The following AFAP1 variants were observed in gnomAD, a reference collection of about 807,000 sequenced individuals.
The protein encoded by AFAP1 is actin filament-associated protein 1.
Under a neutral mutation model 93.9 loss-of-function variants are expected in AFAP1, and 75 were observed. That is an observed-to-expected ratio of 0.80 (90% CI 0.66 to 0.97). The LOEUF is 0.97. Ranked by LOEUF, AFAP1 falls within the 50% of genes least tolerant of loss-of-function variation. AFAP1 has a pLI of 0.00. For missense variants in AFAP1, 1,201 were observed against 1,050.8 expected, an observed-to-expected ratio of 1.14 and a Z score of -1.98; for synonymous variants, 517 against 430.7, an observed-to-expected ratio of 1.20 and a Z score of -2.48.
At chr4:7,797,942 A>C (rs889082883) in intron 10 of AFAP1, among the ~76,000 whole-genome samples, 1 of 152,202 alleles carries the variant, frequency 6.6e-6, no homozygotes, top group Non-Finnish European at 1.5e-5. Flanking sequence ...AAGCATGCGG[A>C]ATGTTGGTCT....
chr4:7,893,512 C>T lies in AFAP1; in HGVS notation c.-2-21432G>A, dbSNP rs1309793377. Among the ~76,000 whole-genome samples the T allele has an allele frequency of 2.1e-5, 3 of 139,976 alleles. No homozygotes were observed. In the Admixed American group the frequency reaches 2.3e-4, roughly 11 times the overall value. 91.8% of individuals were successfully genotyped at this position (139,976 alleles called of 152,430 possible). A position where few individuals can be genotyped will look rare whatever the true frequency, so the allele number is the denominator to read the frequency against. ...AGGAGAATGGCGTGAACCTGGGAGG[C>T]GGACCTTGCAGTGAGCCGAGATCAC... On this transcript the variant is annotated intron_variant, in intron 1 of 17. Coordinates refer to ENST00000420658, the MANE Select transcript of AFAP1 (RefSeq NM_001134647.2).
intron 5 of AFAP1, among the ~76,000 whole-genome samples, chr4:7,840,567 C>T (rs1367736554): frequency 6.6e-6 from 1 of 152,208 alleles, no homozygotes; most frequent in Non-Finnish European, 1.5e-5. Flanking sequence ...CCGCCTCAGC[C>T]TCCCAAAGTG....
At chr4:7,849,019 G>C (rs1714128345) in intron 4 of AFAP1, among the ~76,000 whole-genome samples, 1 of 152,194 alleles carries the variant, frequency 6.6e-6, no homozygotes, top group African/African-American at 2.4e-5. Flanking sequence ...TTTCCAAGGG[G>C]CCATGCCTTC....
chr4:7,801,097 T>C (rs1474455608), intron 9 of AFAP1, among the ~76,000 whole-genome samples: 1 of 144,448 alleles, frequency 6.9e-6, no homozygotes, highest in East Asian at 1.9e-4. Context: ...GGCAGGCAGA[T>C]TTTGGCTTAA....
chr4:7,763,874 A>T, intron 17 of AFAP1, 83 bp from the exon 18 acceptor site: 1 of 1,418,024 alleles, frequency 7.1e-7, no homozygotes, highest in Non-Finnish European at 9.8e-7. Flanking sequence ...CATTCAACTC[A>T]GAGGGGGTGG....
At chr4:7,834,411 ATACTGCTTCGCTGTTG>A (rs1712028762) in intron 6 of AFAP1, among the ~76,000 whole-genome samples, 2 of 152,230 alleles carry the variant, frequency 1.3e-5, no homozygotes, top group African/African-American at 4.8e-5. Context: ...GGTGCAGTGT[ATACTGCTTCGCTGTTG>A]GGTGCACCAA....
chr4:7,936,984 A>G (rs1343519940), intron 1 of AFAP1, among the ~76,000 whole-genome samples: 1 of 152,224 alleles, frequency 6.6e-6, no homozygotes, highest in Non-Finnish European at 1.5e-5. Context: ...ACTCTCCAAA[A>G]TAAAATGTTA....
chr4:7,774,743 G>A lies in AFAP1; in HGVS notation c.2058C>T (p.Asn686=), dbSNP rs185989039. ...AGTCACCCACACCCTTCATACCGGCGTTCACTTCAATAGCCGCTCGAAGGT... is the reference window on the plus strand; with the variant it reads ...AGTCACCCACACCCTTCATACCGGCATTCACTTCAATAGCCGCTCGAAGGT... ...RKDLRAAIEV[N]AGRKPQAILE... Residue 686 remains asparagine, a synonymous_variant, in exon 15 of 18, where the codon AAC becomes AAT. Transcript: ENST00000420658. The A allele has an allele frequency of 5.5e-5, 88 of 1,614,016 alleles. No individual in the cohort carries two copies. The African/African-American group carries it at 6.4e-4, about 12-fold the overall frequency.
intron 4 of AFAP1, among the ~76,000 whole-genome samples, chr4:7,852,092 TGC>T (rs1714503657): frequency 6.6e-6 from 1 of 152,186 alleles, no homozygotes; most frequent in Admixed American, 6.5e-5. Flanking sequence ...CCAATTATAG[TGC>T]CAGCCAACTG....
intron 1 of AFAP1, among the ~76,000 whole-genome samples, chr4:7,884,181 C>A (rs1040324172): frequency 4.6e-5 from 7 of 152,188 alleles, no homozygotes; most frequent in African/African-American, 1.7e-4. Flanking sequence ...TCCACCATGA[C>A]TGGAAACTTC....
chr4:7,772,849 C>G lies in AFAP1; in HGVS notation c.2224G>C (p.Glu742Gln). 1 of 1,613,972 alleles carries G rather than the reference C, an allele frequency of 6.2e-7. No individual in the cohort carries two copies. The highest frequency in any genetic ancestry group is 8.5e-7 in the Non-Finnish European group (1 of 1,179,978). ...GGACTCGATGTCCCTGACTTGGGCT[C>G]GATGGCCAGCCCCAGGGTGACTCCG... ...AGGVTLGLAI[E>Q]PKSGTSSPQS... Residue 742 changes from glutamate (E) to glutamine (Q), a missense_variant, in exon 16 of 18, where the codon GAG becomes CAG. Glu to Gln is a conservative substitution (Grantham distance 29, BLOSUM62 2). Coordinates refer to ENST00000420658, the MANE Select transcript of AFAP1 (RefSeq NM_001134647.2).
chr4:7,892,472 G>A (rs984673931), intron 1 of AFAP1, among the ~76,000 whole-genome samples: 5 of 152,216 alleles, frequency 3.3e-5, no homozygotes, highest in African/African-American at 1.2e-4. Flanking sequence ...GCAGCCCACA[G>A]AAACGGGGAG....
In AFAP1 at chr4:7,809,627, A is replaced by T; in HGVS notation, c.1041T>A (p.Asp347Glu). The T allele has an allele frequency of 6.2e-7, 1 of 1,612,614 alleles. No individual in the cohort carries two copies. The highest frequency in any genetic ancestry group is 8.5e-7 in the Non-Finnish European group (1 of 1,179,642). The change falls in exon 9 of 18, where the codon GAT (aspartate) becomes GAA (glutamate). Residue 347 changes from aspartate (D) to glutamate (E), a missense_variant. Coordinates refer to ENST00000420658, the MANE Select transcript of AFAP1 (RefSeq NM_001134647.2). Reference protein sequence around the residue: ...TDEQTSSAEEDVPTCGYLNVL... With the variant: ...TDEQTSSAEEEVPTCGYLNVL... The stretch of plus-strand genomic sequence containing the variant: ...GCGCAGTCTTACCGCAGGTGGGAAC[A>T]TCTTCCTCAGCTGAGGAGGTCTGCT...
At chr4:7,930,023 A>G (rs952153001) in intron 1 of AFAP1, among the ~76,000 whole-genome samples, 4 of 152,208 alleles carry the variant, frequency 2.6e-5, no homozygotes, top group African/African-American at 9.6e-5. Context: ...AATTCTTATT[A>G]TGTGACCTTG....
At chr4:7,929,003 G>A (rs192011716) in intron 1 of AFAP1, among the ~76,000 whole-genome samples, 7 of 152,308 alleles carry the variant, frequency 4.6e-5, no homozygotes, top group South Asian at 4.1e-4. Flanking sequence ...AGATCACTCC[G>A]ATCGCAGAGG....
At chr4:7,763,905 A>ACTCAACAGAATCAATG in intron 17 of AFAP1, 114 bp from the exon 18 acceptor site, 1 of 993,388 alleles carries the variant, frequency 1.0e-6, no homozygotes, top group Non-Finnish European at 1.6e-6. Context: ...ACTGCAGAAA[A>ACTCAACAGAATCAATG]CTCAACAGAA....
chr4:7,841,188 AGT>A (rs1312330921), intron 5 of AFAP1, among the ~76,000 whole-genome samples: 1 of 152,122 alleles, frequency 6.6e-6, no homozygotes, highest in Admixed American at 6.5e-5. Context: ...GAGAGGGAGG[AGT>A]GGGGTGGGCA....
At chr4:7,769,135 G>T in intron 16 of AFAP1, 127 bp from the exon 17 acceptor site, 2 of 1,252,684 alleles carry the variant, frequency 1.6e-6, no homozygotes, top group East Asian at 2.6e-5. Context: ...AGCAGTAGCA[G>T]CAAGGACTGC....
Position 7,838,519 on chromosome 4 carries a change from C to G in AFAP1, c.726+5G>C. Reference sequence around the variant, plus strand: ...AATGGCTGTGAAACACAGCAGACAACCTACCTTCAGCCACTGCTCGGCCTG... The same window carrying G: ...AATGGCTGTGAAACACAGCAGACAAGCTACCTTCAGCCACTGCTCGGCCTG... On this transcript the variant is annotated splice_donor_5th_base_variant and intron_variant, in intron 6 of 17. Coordinates refer to ENST00000420658, the MANE Select transcript of AFAP1 (RefSeq NM_001134647.2). The G allele has an allele frequency of 1.9e-6, 3 of 1,610,664 alleles. No homozygotes were observed. Among genetic ancestry groups the G allele is most frequent in the Non-Finnish European group, 2.5e-6 (3 of 1,177,998 alleles).
Sources: gnomAD v4.1 joint callset for allele counts (sites outside exome capture counted in the v4.1 genomes callset) on GRCh38, gnomAD v4.1.1 for gene constraint, MANE v1.5 for transcripts, NCBI Gene and HGNC (gene_info 2026-07-23, HGNC 2026-07-21) for gene names.